The following MCUB variants were observed in gnomAD, a reference collection of about 807,000 sequenced individuals.
MCUB encodes mitochondrial calcium uniporter dominant negative subunit beta, also known as calcium uniporter regulatory subunit MCUb, mitochondrial.
In MCUB, 46 loss-of-function variants were observed where a neutral mutation model predicts 41.4. That is an observed-to-expected ratio of 1.11 (90% confidence interval 0.88 to 1.42). The LOEUF (loss-of-function observed/expected upper bound fraction) is 1.42. Among genes scored for constraint, MCUB ranks in the 40% most tolerant of loss-of-function variants. The pLI is 0.00. For synonymous variants in MCUB, 148 were observed against 148.2 expected, an observed-to-expected ratio of 1.00 and a Z score of 0.01; for missense variants, 403 against 404.9, an observed-to-expected ratio of 1.00 and a Z score of 0.04.
chr4:109,634,760 A>T (rs1428614490), intron 1 of MCUB, among the ~76,000 whole-genome samples: 3 of 152,174 alleles, frequency 2.0e-5, no homozygotes, highest in African/African-American at 7.2e-5. Context: ...TATTTTAGGC[A>T]GATAGAAAGG....
At chr4:109,672,217 A>C (rs1729472872) in intron 4 of MCUB, among the ~76,000 whole-genome samples, 1 of 152,162 alleles carries the variant, frequency 6.6e-6, no homozygotes, top group Non-Finnish European at 1.5e-5. Context: ...TCCAAGCCAG[A>C]TAAGGCTCTG....
At chr4:109,632,060 A>G (rs908613490) in intron 1 of MCUB, among the ~76,000 whole-genome samples, 6 of 152,176 alleles carry the variant, frequency 3.9e-5, no homozygotes, top group African/African-American at 1.4e-4. Context: ...AGAGGTCCGA[A>G]TCTCAGCCTA....
chr4:109,620,358 A>T (rs1728227066), intron 1 of MCUB, among the ~76,000 whole-genome samples: 1 of 151,756 alleles, frequency 6.6e-6, no homozygotes, highest in Non-Finnish European at 1.5e-5. Flanking sequence ...ATAGTTCCTC[A>T]CTGGACAGTA....
chr4:109,630,066 AG>A (rs1447127831), intron 1 of MCUB, among the ~76,000 whole-genome samples: 6 of 152,226 alleles, frequency 3.9e-5, no homozygotes, highest in African/African-American at 1.4e-4. Flanking sequence ...GAAGATTCCA[AG>A]GATTTTAAGA....
At chr4:109,606,097 A>G (rs1727864668) in intron 1 of MCUB, among the ~76,000 whole-genome samples, 1 of 151,852 alleles carries the variant, frequency 6.6e-6, no homozygotes, top group African/African-American at 2.4e-5. Context: ...CCCTCAACCT[A>G]CTAAGTAGCT....
At position 109,687,741 on chromosome 4, in the gene MCUB, G is replaced by A. The variant is rs1438361076; in HGVS notation, c.*149G>A. On this transcript the variant is annotated 3_prime_UTR_variant, in exon 8 of 8. Coordinates refer to ENST00000394650, the MANE Select transcript of MCUB (RefSeq NM_017918.5). ...AGTATTGTTTGAAGTTCTCAACTGA[G>A]ATTTTTACTTTTTGGATTTTTATGA... The A allele has an allele frequency of 5.0e-6, 3 of 605,322 alleles. No homozygotes were observed. Among genetic ancestry groups the A allele is most frequent in the East Asian group, 5.7e-5 (2 of 35,142 alleles). 37.5% of individuals were successfully genotyped at this position (605,322 alleles called of 1,614,324 possible).
rs571517287 is a variant in MCUB, at chr4:109,570,759, G to A, written c.99+10323G>A. Among the ~76,000 whole-genome samples, 8 of 152,324 alleles carry A rather than the reference G, an allele frequency of 5.3e-5. No homozygotes were observed. In the South Asian group the frequency reaches 1.7e-3, roughly 32 times the overall value. On this transcript the variant is annotated intron_variant, in intron 1 of 7. Coordinates refer to ENST00000394650, the MANE Select transcript of MCUB (RefSeq NM_017918.5). ...GTATATGTATAGTGGGATGAGATAA[G>A]TACGTTAATAAGGACCAATTACGAA...
chr4:109,598,377 G>A (rs924300004), intron 1 of MCUB, among the ~76,000 whole-genome samples: 5 of 152,172 alleles, frequency 3.3e-5, no homozygotes, highest in Admixed American at 6.5e-5. Flanking sequence ...CGGATCACTC[G>A]CGGTTAGGAG....
rs1726589367 is a variant in MCUB, at chr4:109,560,332, G to T, written c.-6G>T. 4.8e-6 allele frequency: 6 copies of T among 1,253,738 alleles called. No homozygotes were observed. Among genetic ancestry groups the T allele is most frequent in the Non-Finnish European group, 5.0e-6 (5 of 996,622 alleles). 77.7% of individuals were successfully genotyped at this position (1,253,738 alleles called of 1,614,324 possible). Reference sequence around the variant, plus strand: ...CCTGCGGGAGCCGCGCGCCTGGGGCGGGAGGATGCTCCAGAGGGGCCTCTG... The same window carrying T: ...CCTGCGGGAGCCGCGCGCCTGGGGCTGGAGGATGCTCCAGAGGGGCCTCTG... On this transcript the variant is annotated 5_prime_UTR_variant, in exon 1 of 8. Coordinates refer to ENST00000394650, the MANE Select transcript of MCUB (RefSeq NM_017918.5).
At chr4:109,606,478 G>A (rs1388609985) in intron 1 of MCUB, among the ~76,000 whole-genome samples, 1 of 151,570 alleles carries the variant, frequency 6.6e-6, no homozygotes, top group East Asian at 1.9e-4. Flanking sequence ...ATTTTCTCAG[G>A]TGGTATGATT....
intron 1 of MCUB, among the ~76,000 whole-genome samples, chr4:109,642,594 G>A (rs1579079127): frequency 6.6e-6 from 1 of 150,636 alleles, no homozygotes. Flanking sequence ...TTATGTATCA[G>A]TATTTTTTCT....
In MCUB at chr4:109,617,243, G is replaced by C. The variant is rs145242493; in HGVS notation, c.100-41768G>C. On this transcript the variant is annotated intron_variant, in intron 1 of 7. Coordinates refer to ENST00000394650, the MANE Select transcript of MCUB (RefSeq NM_017918.5). The stretch of plus-strand genomic sequence containing the variant: ...TAAGTGTTTATTCCCTTAGCTCATT[G>C]GTTTGACTTGTGGCACTCTTCACAT... 1.3e-3 allele frequency among the ~76,000 whole-genome samples: 193 copies of C among 152,312 alleles called. 2 individuals carry two copies. The East Asian group carries it at 0.032, about 25-fold the overall frequency.
At chr4:109,622,945 G>T (rs118145229) in intron 1 of MCUB, among the ~76,000 whole-genome samples, 5 of 152,148 alleles carry the variant, frequency 3.3e-5, no homozygotes, top group African/African-American at 9.7e-5. Flanking sequence ...TGTGACTGGC[G>T]TTTCTTGGAC....
intron 1 of MCUB, among the ~76,000 whole-genome samples, chr4:109,599,667 A>ATATT (rs1440155919): frequency 1.3e-5 from 2 of 148,360 alleles, no homozygotes; most frequent in African/African-American, 5.2e-5. Flanking sequence ...AATCATGTTA[A>ATATT]TATTTATTTA....
intron 1 of MCUB, among the ~76,000 whole-genome samples, chr4:109,636,317 C>T (rs1728587984): frequency 1.3e-5 from 2 of 152,134 alleles, no homozygotes; most frequent in South Asian, 4.1e-4. Context: ...AGGCTCTGGA[C>T]TGGAGATACA....
chr4:109,572,817 T>G (rs1251182328), intron 1 of MCUB, among the ~76,000 whole-genome samples: 8 of 152,186 alleles, frequency 5.3e-5, no homozygotes, highest in Non-Finnish European at 1.0e-4. Flanking sequence ...ATATAATTAT[T>G]GCTTTATATA....
intron 1 of MCUB, among the ~76,000 whole-genome samples, chr4:109,614,771 C>T (rs924764811): frequency 6.6e-6 from 1 of 151,746 alleles, no homozygotes; most frequent in African/African-American, 2.4e-5. Context: ...AGAATCAGAC[C>T]AGACATGAAG....
At chr4:109,602,957 A>G (rs1443196436) in intron 1 of MCUB, among the ~76,000 whole-genome samples, 2 of 152,240 alleles carry the variant, frequency 1.3e-5, no homozygotes, top group African/African-American at 2.4e-5. Flanking sequence ...TGGCTATTGT[A>G]AATGGGATTA....
chr4:109,629,631 C>T (rs1158192265), intron 1 of MCUB, among the ~76,000 whole-genome samples: 2 of 152,162 alleles, frequency 1.3e-5, no homozygotes, highest in African/African-American at 4.8e-5. Flanking sequence ...ATTAGAGTGG[C>T]TCACAGAAAA....
Sources: allele counts gnomAD v4.1 joint callset (sites outside exome capture counted in the v4.1 genomes callset), GRCh38; gene constraint gnomAD v4.1.1; transcripts MANE v1.5; gene names NCBI Gene and HGNC (gene_info 2026-07-23, HGNC 2026-07-21).